TNR: variants seen among roughly 807,000 people sequenced by gnomAD.
The protein encoded by TNR is tenascin-R.
In TNR, 45 loss-of-function variants were observed where a neutral mutation model predicts 150.4. The ratio of observed to expected loss-of-function variants is 0.30; its 90% CI spans 0.24 to 0.38. The LOEUF is 0.38. TNR is among the 10% of genes least tolerant of loss of function. The pLI is 1.00. For missense variants in TNR, 1,544 were observed against 1,759.1 expected, an observed-to-expected ratio of 0.88 and a Z score of 2.19; for synonymous variants, 687 against 678.4, an observed-to-expected ratio of 1.01 and a Z score of -0.20.
chr1:175,338,829 A>G (rs1435863969), intron 18 of TNR, among the ~76,000 whole-genome samples: 8 of 152,170 alleles, frequency 5.3e-5, no homozygotes, highest in Non-Finnish European at 8.8e-5. Flanking sequence ...TCACCAGTGA[A>G]GCCTCCTGTG....
intron 1 of TNR, among the ~76,000 whole-genome samples, chr1:175,725,370 A>G (rs1480609520): frequency 6.6e-6 from 1 of 152,224 alleles, no homozygotes; most frequent in Non-Finnish European, 1.5e-5. Flanking sequence ...CCTCAGTCTT[A>G]AGCAATATGA....
intron 3 of TNR, among the ~76,000 whole-genome samples, chr1:175,404,103 T>C (rs1653844642): frequency 6.6e-6 from 1 of 152,166 alleles, no homozygotes; most frequent in Admixed American, 6.5e-5. Context: ...TTAAGGTCTA[T>C]GTCCCTGAGG....
chr1:175,644,535 T>A (rs58957872), intron 1 of TNR, among the ~76,000 whole-genome samples: 8,230 of 152,248 alleles, frequency 0.054, 548 homozygotes, highest in African/African-American at 0.16. Flanking sequence ...TCACCATTCC[T>A]CAGCAGCCCT....
chr1:175,434,874 A>C (rs1655426412), intron 2 of TNR, among the ~76,000 whole-genome samples: 1 of 152,098 alleles, frequency 6.6e-6, no homozygotes, highest in African/African-American at 2.4e-5. Flanking sequence ...CTAACTCTTT[A>C]ATTTTGAGAC....
intron 2 of TNR, among the ~76,000 whole-genome samples, chr1:175,472,072 A>G (rs1657315214): frequency 6.6e-6 from 1 of 152,164 alleles, no homozygotes; most frequent in Non-Finnish European, 1.5e-5. Context: ...CAGGAGTTCC[A>G]GGCTGCAGTG....
chr1:175,629,687 A>T (rs144374214), intron 1 of TNR, among the ~76,000 whole-genome samples: 225 of 152,290 alleles, frequency 1.5e-3, no homozygotes, highest in Non-Finnish European at 2.7e-3. Context: ...GATCAAAGCC[A>T]ACACCATGGT....
At chr1:175,578,571 A>T (rs1245601101) in intron 1 of TNR, among the ~76,000 whole-genome samples, 1 of 152,252 alleles carries the variant, frequency 6.6e-6, no homozygotes, top group Admixed American at 6.5e-5. Flanking sequence ...GGGGAGAGAG[A>T]TGAATGAGAG....
At chr1:175,605,624 A>T (rs894925452) in intron 1 of TNR, among the ~76,000 whole-genome samples, 1 of 152,256 alleles carries the variant, frequency 6.6e-6, no homozygotes, top group Non-Finnish European at 1.5e-5. Context: ...AGGAGACCAG[A>T]AAAGACATCC....
intron 2 of TNR, among the ~76,000 whole-genome samples, chr1:175,517,027 GA>G (rs1659436294): frequency 8.3e-5 from 12 of 144,590 alleles, no homozygotes; most frequent in Non-Finnish European, 3.0e-5. Context: ...GAGAGAGAGA[GA>G]GAGAGAGAGA....
intron 20 of TNR, among the ~76,000 whole-genome samples, chr1:175,334,464 A>C (rs1650122929): frequency 6.6e-6 from 1 of 152,212 alleles, no homozygotes; most frequent in Non-Finnish European, 1.5e-5. Flanking sequence ...ATAATCCCTT[A>C]CTGCTCAGGG....
intron 1 of TNR, among the ~76,000 whole-genome samples, chr1:175,610,666 C>T (rs1663563642): frequency 6.6e-6 from 1 of 152,202 alleles, no homozygotes; most frequent in Non-Finnish European, 1.5e-5. Context: ...TTATTTTTGC[C>T]TGTCCCTTGA....
rs563796717 is a variant in TNR at position 175,704,484 on chromosome 1, G to A, written c.-165+38742C>T. On this transcript the variant is annotated intron_variant, in intron 1 of 22. Transcript: ENST00000367674. ...AAAAGAAGGGAAACAAAATTAGGTA[G>A]ATATTCTGTGTGAAGTCAAGCAGTA... 2.7e-4 allele frequency among the ~76,000 whole-genome samples: 41 copies of A among 152,306 alleles called. No individual in the cohort carries two copies. In the South Asian group the frequency reaches 8.1e-3, roughly 30 times the overall value.
chr1:175,740,448 G>T (rs78574339), intron 1 of TNR, among the ~76,000 whole-genome samples: 1 of 150,544 alleles, frequency 6.6e-6, no homozygotes, highest in Non-Finnish European at 1.5e-5. Context: ...CAAAAAAAAA[G>T]TAATAATGGC....
At chr1:175,704,105 GA>G (rs1451039668) in intron 1 of TNR, among the ~76,000 whole-genome samples, 25 of 152,302 alleles carry the variant, frequency 1.6e-4, no homozygotes, top group African/African-American at 6.0e-4. Context: ...TGGGATGATG[GA>G]AAAGTTCTGG....
intron 2 of TNR, among the ~76,000 whole-genome samples, chr1:175,409,337 A>G (rs990715119): frequency 6.6e-6 from 1 of 152,238 alleles, no homozygotes; most frequent in African/African-American, 2.4e-5. Context: ...TTGACACTCA[A>G]AATAAGTGAA....
At chr1:175,348,029 C>T (rs759115564) in intron 18 of TNR, among the ~76,000 whole-genome samples, 1 of 151,986 alleles carries the variant, frequency 6.6e-6, no homozygotes, top group Non-Finnish European at 1.5e-5. Context: ...ACAATAGATA[C>T]TTAGAATCAA....
intron 1 of TNR, among the ~76,000 whole-genome samples, chr1:175,701,154 C>T (rs1295604761): frequency 1.3e-5 from 2 of 152,238 alleles, no homozygotes; most frequent in South Asian, 2.1e-4. Flanking sequence ...CCCTCCTCAA[C>T]ACAATCTATT....
In TNR at chr1:175,525,450, T is replaced by C. The variant is rs192328044; in HGVS notation, c.-64+2819A>G. 2.8e-3 allele frequency among the ~76,000 whole-genome samples: 428 copies of C among 152,270 alleles called. 4 individuals are homozygous for C. The highest frequency in any genetic ancestry group is 4.9e-3 in the Non-Finnish European group (330 of 68,008). On this transcript the variant is annotated intron_variant, in intron 2 of 22. Transcript: ENST00000367674. Reference sequence around the variant, plus strand: ...CTTTGTTCAGCCTCCTCAACCTAGTTTTACCACGCAGGAAAGCAGACATTT... The same window carrying C: ...CTTTGTTCAGCCTCCTCAACCTAGTCTTACCACGCAGGAAAGCAGACATTT...
chr1:175,335,918 T>A, intron 19 of TNR, 111 bp from the exon 20 acceptor site: 1 of 908,264 alleles, frequency 1.1e-6, no homozygotes, highest in South Asian at 1.7e-5. Flanking sequence ...GGGTTTTATA[T>A]CTGCAATGAC....
Sources: allele counts gnomAD v4.1 joint callset (sites outside exome capture counted in the v4.1 genomes callset), GRCh38; gene constraint gnomAD v4.1.1; transcripts MANE v1.5; gene names NCBI Gene and HGNC (gene_info 2026-07-23, HGNC 2026-07-21).